The following P3H4 variants were observed in gnomAD, a reference collection of about 807,000 sequenced individuals.
The protein encoded by P3H4 is endoplasmic reticulum protein SC65.
P3H4 carries 47 observed loss-of-function variants against 52.9 expected under a neutral mutation model. That is an observed-to-expected ratio of 0.89 (90% CI 0.70 to 1.13). P3H4 has a LOEUF of 1.13. Ranked by LOEUF, P3H4 falls within the 50% of genes most tolerant of loss-of-function variation. The pLI, the probability that P3H4 is intolerant of heterozygous loss-of-function variation, is 0.00. For synonymous variants in P3H4, 256 were observed against 267.9 expected (o/e 0.96, Z 0.44); for missense variants, 585 against 611.0 (o/e 0.96, Z 0.45).
intron 3 of P3H4, among the ~76,000 whole-genome samples, chr17:41,810,519 T>A (rs2047718577): frequency 6.6e-6 from 1 of 152,106 alleles, no homozygotes; most frequent in Non-Finnish European, 1.5e-5. Flanking sequence ...GGGTTAGAGA[T>A]CCCAAGACTA....
intron 4 of P3H4, among the ~76,000 whole-genome samples, chr17:41,808,802 G>C (rs1434498460): frequency 6.6e-6 from 1 of 152,182 alleles, no homozygotes; most frequent in Non-Finnish European, 1.5e-5. Context: ...TAGTGAATTA[G>C]AGGCCCTTAG....
intron 4 of P3H4, among the ~76,000 whole-genome samples, chr17:41,809,328 A>C (rs1555614592): frequency 6.6e-6 from 1 of 152,120 alleles, no homozygotes; most frequent in African/African-American, 2.4e-5. Context: ...GGCTAAGAGA[A>C]TCACTTGAAT....
In P3H4 at chr17:41,811,297, TA is replaced by T. The variant is rs782538735; in HGVS notation, c.463-14del. The T allele has an allele frequency of 7.2e-5, 116 of 1,609,960 alleles. 1 individual carries two copies. In the African/African-American group the frequency reaches 1.3e-3, roughly 18 times the overall value. On this transcript the variant is annotated splice_polypyrimidine_tract_variant and intron_variant, in intron 1 of 7. Coordinates refer to ENST00000393928, the MANE Select transcript of P3H4 (RefSeq NM_006455.3). The surrounding 1 kb of genome is among the most constrained non-coding windows in gnomAD (Gnocchi z 4.8). ...CCAGCCGGTTAGCCTGGTCGGGGGGTAGGGGGTGGGGGAGCGGGTCAGCAAG... is the reference window on the plus strand; with the variant it reads ...CCAGCCGGTTAGCCTGGTCGGGGGGTGGGGGTGGGGGAGCGGGTCAGCAAG...
At chr17:41,810,782 T>C (rs1292524711) in intron 3 of P3H4, 81 bp downstream of exon 3, 2 of 1,506,902 alleles carry the variant, frequency 1.3e-6, no homozygotes, top group Non-Finnish European at 1.8e-6. Flanking sequence ...TTCGCAGTGC[T>C]CCACGTGCAT....
At chr17:41,806,909 T>G (rs782403373) in intron 5 of P3H4, 30 bp from the exon 6 acceptor site, 6 of 1,567,042 alleles carry the variant, frequency 3.8e-6, no homozygotes, top group Non-Finnish European at 8.8e-7. Flanking sequence ...GGGTGGGGGG[T>G]GAGCCATACC....
In P3H4 at chr17:41,811,325, C is replaced by A; in HGVS notation, c.463-41G>T. ...GGGGTGGGGGAGCGGGTCAGCAAGA[C>A]CGGAGCTCGCGGCCCCGAGCGCACG... On this transcript the variant is annotated intron_variant, in intron 1 of 7. Transcript: ENST00000393928. The surrounding 1 kb of genome is among the most constrained non-coding windows in gnomAD (Gnocchi z 4.8). 1 of 1,609,976 alleles carries A rather than the reference C, an allele frequency of 6.2e-7. No individual in the cohort carries two copies. The highest frequency in any genetic ancestry group is 1.1e-5 in the South Asian group (1 of 90,990).
In P3H4 at chr17:41,807,646, C is replaced by G. The variant is rs566554474; in HGVS notation, c.1062+213G>C. Among the ~76,000 whole-genome samples the G allele has an allele frequency of 5.3e-5, 8 of 152,258 alleles. No individual in the cohort carries two copies. In the South Asian group the frequency reaches 1.2e-3, roughly 24 times the overall value. The stretch of plus-strand genomic sequence containing the variant: ...CCGAGTAGTTGGTACTACAGGCGTC[C>G]ACCACCATGCCTGGCTAATTTTTTT... On this transcript the variant is annotated intron_variant, in intron 5 of 7. Coordinates refer to ENST00000393928, the MANE Select transcript of P3H4 (RefSeq NM_006455.3).
intron 6 of P3H4, among the ~76,000 whole-genome samples, chr17:41,805,388 G>A (rs1038454452): frequency 5.3e-5 from 8 of 151,644 alleles, no homozygotes; most frequent in Admixed American, 4.6e-4. Flanking sequence ...GTACAGTGGC[G>A]CGATCTCGGC....
rs1290207501 is a variant in P3H4 at position 41,811,799 on chromosome 17, C to A, written c.117G>T (p.Ala39=). The A allele has an allele frequency of 2.0e-6, 3 of 1,535,990 alleles. No individual in the cohort carries two copies. In the South Asian group the frequency reaches 3.6e-5, roughly 18 times the overall value. ...CGTACTGCTCCAGAGCGTGCCCGTA[C>A]GCCGCGGCCAGCGGCATCAGGTCCT... ...PPEDLMPLAA[A]YGHALEQYEG... is the part of the protein sequence containing the mutation. Residue 39 remains alanine (A), a synonymous_variant, in exon 1 of 8, where the codon GCG becomes GCT. Transcript: ENST00000393928. This position sits in a 1 kb window ranked among gnomAD's most constrained non-coding sequence, Gnocchi z 4.8.
chr17:41,808,586 G>T (rs782255726), intron 4 of P3H4, among the ~76,000 whole-genome samples: 5 of 152,028 alleles, frequency 3.3e-5, no homozygotes, highest in African/African-American at 1.2e-4. Flanking sequence ...ACGGGGTCTT[G>T]TCATGTTGCC....
At chr17:41,810,774 CGCAGTGCTCCACGT>C in intron 3 of P3H4, 75 bp downstream of exon 3, 2 of 1,474,200 alleles carry the variant, frequency 1.4e-6, no homozygotes, top group Non-Finnish European at 1.8e-6. Flanking sequence ...CCTCCGCATT[CGCAGTGCTCCACGT>C]GCATGAAGGG....
chr17:41,807,648 C>T (rs1376293503), intron 5 of P3H4, among the ~76,000 whole-genome samples: 2 of 152,208 alleles, frequency 1.3e-5, no homozygotes, highest in Non-Finnish European at 2.9e-5. Context: ...CAGGCGTCCA[C>T]CACCATGCCT....
chr17:41,803,240 T>C (rs961884380), intron 7 of P3H4, 47 bp downstream of exon 7: 14 of 1,585,746 alleles, frequency 8.8e-6, no homozygotes, highest in South Asian at 1.1e-5. Context: ...GTCCCCAACC[T>C]CCATCCCAGG....
intron 5 of P3H4, chr17:41,807,118 A>T: frequency 1.9e-6 from 1 of 536,808 alleles, no homozygotes; most frequent in Non-Finnish European, 3.3e-6. Context: ...ACTGACAAGG[A>T]AGGCAGGAGT....
At chr17:41,808,434 T>A (rs974655192) in intron 4 of P3H4, among the ~76,000 whole-genome samples, 1 of 152,090 alleles carries the variant, frequency 6.6e-6, no homozygotes, top group African/African-American at 2.4e-5. Flanking sequence ...GTCACCCAGG[T>A]TGGAGTGCAG....
chr17:41,811,018 G>A lies in P3H4; in HGVS notation c.632C>T (p.Ala211Val), dbSNP rs1555614950. 1.2e-6 allele frequency: 2 copies of A among 1,613,320 alleles called. No individual in the cohort carries two copies. The highest frequency in any genetic ancestry group is 1.7e-6 in the Non-Finnish European group (2 of 1,179,376). Residue 211 changes from alanine (A) to valine (V), a missense_variant, in exon 3 of 8, where the codon GCT (alanine) becomes GTT (valine). Coordinates refer to ENST00000393928, the MANE Select transcript of P3H4 (RefSeq NM_006455.3). The surrounding 1 kb of genome is among the most constrained non-coding windows in gnomAD (Gnocchi z 4.8). ...AQPYEAVFLR[A>V]VKLYNSGDFR... is the part of the protein sequence containing the mutation. ...ATCCCCGCTGTTGTAGAGCTTCACA[G>A]CCCGGAGGAACACGGCCTGGAAGGG...
In P3H4 at chr17:41,806,806, G is replaced by A; in HGVS notation, c.1136C>T (p.Ser379Leu). 6.2e-7 allele frequency: 1 copy of A among 1,613,496 alleles called. No homozygotes were observed. Among genetic ancestry groups the A allele is most frequent in the South Asian group, 1.1e-5 (1 of 90,926 alleles). ...LLEFTHMYLQ[S>L]DDEMELEETE... ...GCAGGAGGCACTCACCTCATCATCT[G>A]ACTGCAGGTACATGTGGGTGAACTC... The change falls in exon 6 of 8, where the codon TCA (serine) becomes TTA (leucine). Residue 379 changes from serine to leucine, a missense_variant. Transcript: ENST00000393928.
At chr17:41,805,741 TG>T (rs2047667509) in intron 6 of P3H4, among the ~76,000 whole-genome samples, 1 of 152,088 alleles carries the variant, frequency 6.6e-6, no homozygotes, top group South Asian at 2.1e-4. Flanking sequence ...GCCACCCAAC[TG>T]GTAAGTAATG....
chr17:41,811,465 C>T lies in P3H4; in HGVS notation c.451G>A (p.Ala151Thr). The change falls in exon 1 of 8, where the codon GCG (alanine) becomes ACG (threonine). Residue 151 changes from alanine (A) to threonine (T), a missense_variant. Ala to Thr is a moderately conservative substitution (Grantham distance 58, BLOSUM62 0). Transcript: ENST00000393928. The surrounding 1 kb of genome is among the most constrained non-coding windows in gnomAD (Gnocchi z 4.8). ...SRLPYQYLHY[A>T]LFKANRLEKA... is the part of the protein sequence containing the mutation. ...GGGCGGGCTCCCACCTTGAACAGCG[C>T]GTAGTGCAGGTACTGGTAGGGCAGG... 18 of 1,612,240 alleles carry T rather than the reference C, an allele frequency of 1.1e-5. No individual in the cohort carries two copies. Among genetic ancestry groups the T allele is most frequent in the Non-Finnish European group, 1.5e-5 (18 of 1,179,742 alleles).
Sources: gnomAD v4.1 joint callset for allele counts (sites outside exome capture counted in the v4.1 genomes callset) on GRCh38, gnomAD v4.1.1 for gene constraint, Gnocchi (gnomAD v3.1) non-coding constraint, MANE v1.5 for transcripts, NCBI Gene and HGNC (gene_info 2026-07-23, HGNC 2026-07-21) for gene names.